The following VPS13B variants were observed in gnomAD, a reference collection of about 807,000 sequenced individuals.
VPS13B encodes the protein intermembrane lipid transfer protein VPS13B.
VPS13B carries 285 observed loss-of-function variants against 426.4 expected under a neutral mutation model. The observed-to-expected ratio is 0.67, with a 90% CI of 0.61 to 0.74. The LOEUF (loss-of-function observed/expected upper bound fraction) is 0.74, where lower values mean the gene tolerates loss of function less well. Among genes scored for constraint, VPS13B ranks in the 30% least tolerant of loss-of-function variants. The pLI is 0.00. For missense variants in VPS13B, 4,537 were observed against 4,782.6 expected (o/e 0.95, Z 1.51); for synonymous variants, 1,676 against 1,676.4 (o/e 1.00, Z 0.01).
chr8:99,300,662 A>G (rs565881663), intron 19 of VPS13B, among the ~76,000 whole-genome samples: 1 of 152,122 alleles, frequency 6.6e-6, no homozygotes, highest in Non-Finnish European at 1.5e-5. Flanking sequence ...ATCATCCTGC[A>G]TTCTCTTCCC....
intron 19 of VPS13B, among the ~76,000 whole-genome samples, chr8:99,361,207 A>G (rs1812538269): frequency 6.6e-6 from 1 of 152,224 alleles, no homozygotes; most frequent in Admixed American, 6.5e-5. Context: ...ATCTTATCAG[A>G]GTCTCATTGG....
rs587780497 is a variant in VPS13B at position 99,853,867 on chromosome 8, A to G, written c.10478A>G (p.Asp3493Gly). 1 of 1,614,268 alleles carries G rather than the reference A, an allele frequency of 6.2e-7. No homozygotes were observed. The highest frequency in any genetic ancestry group is 8.5e-7 in the Non-Finnish European group (1 of 1,180,054). The change falls in exon 56 of 62, where the codon GAT becomes GGT. Residue 3493 changes from aspartate (D) to glycine (G), a missense_variant. Coordinates refer to ENST00000357162, the MANE Select transcript of VPS13B (RefSeq NM_152564.5). ...TLNEGKSILC[D>G]INEFSFELKP... ...AATGAAGGCAAGAGCATCCTCTGTG[A>G]TATTAATGAGTTCAGCTTTGAATTA...
At chr8:99,844,554 G>A (rs1815880227) in intron 54 of VPS13B, among the ~76,000 whole-genome samples, 1 of 152,084 alleles carries the variant, frequency 6.6e-6, no homozygotes, top group African/African-American at 2.4e-5. Context: ...TTTTAGGAGA[G>A]ATGAGGTTTT....
chr8:99,391,331 G>C (rs1814433986), intron 20 of VPS13B, among the ~76,000 whole-genome samples: 1 of 150,738 alleles, frequency 6.6e-6, no homozygotes, highest in African/African-American at 2.4e-5. Flanking sequence ...GCATTGCTCT[G>C]TGTGTGCATG....
intron 17 of VPS13B, chr8:99,233,017 A>G: frequency 1.1e-6 from 1 of 884,794 alleles, no homozygotes; most frequent in Non-Finnish European, 1.9e-6. Context: ...GGCTCCATTC[A>G]TCTGTTGTTT....
rs1378782959 is a variant in VPS13B at position 99,093,701 on chromosome 8, A to AC, written c.292-2610dup. Reference sequence around the variant, plus strand: ...AATTTCATCCATGTCCCTACAAAGGACATGAACTCATCGTTTTTTATGGCT... The same window carrying AC: ...AATTTCATCCATGTCCCTACAAAGGACCATGAACTCATCGTTTTTTATGGCT... On this transcript the variant is annotated intron_variant, in intron 3 of 61. Transcript: ENST00000357162. Among the ~76,000 whole-genome samples the AC allele has an allele frequency of 6.6e-5, 10 of 152,252 alleles. No homozygotes were observed. The South Asian group carries it at 1.9e-3, about 28-fold the overall frequency.
At chr8:99,828,907 G>T (rs147337503) in intron 51 of VPS13B, among the ~76,000 whole-genome samples, 1 of 152,260 alleles carries the variant, frequency 6.6e-6, no homozygotes, top group East Asian at 1.9e-4. Flanking sequence ...TTTTCTTTGA[G>T]AATGTTGAAT....
At chr8:99,811,957 G>A (rs1314701721) in intron 44 of VPS13B, among the ~76,000 whole-genome samples, 2 of 152,054 alleles carry the variant, frequency 1.3e-5, no homozygotes, top group South Asian at 2.1e-4. Flanking sequence ...CACTAAGTTG[G>A]ACGGTTTTGT....
chr8:99,832,793 A>G lies in VPS13B; in HGVS notation c.9614+141A>G, dbSNP rs1373013089. The G allele has an allele frequency of 1.8e-5, 15 of 849,772 alleles. No homozygotes were observed. In the South Asian group the frequency reaches 2.2e-4, roughly 13 times the overall value. 52.6% of individuals were successfully genotyped at this position (849,772 alleles called of 1,614,324 possible). ...ATTTTTAATTACTTCTAGACATTGT[A>G]TACAGTGGGTCAAGTGTTATAATCA... On this transcript the variant is annotated intron_variant, in intron 52 of 61. Transcript: ENST00000357162.
intron 19 of VPS13B, among the ~76,000 whole-genome samples, chr8:99,335,885 A>G (rs1306152406): frequency 1.3e-5 from 2 of 152,224 alleles, no homozygotes; most frequent in African/African-American, 4.8e-5. Flanking sequence ...AAATGGAAGG[A>G]CATTCCATGC....
At chr8:99,792,146 A>G (rs1554958978) in intron 43 of VPS13B, among the ~76,000 whole-genome samples, 1 of 152,188 alleles carries the variant, frequency 6.6e-6, no homozygotes, top group Non-Finnish European at 1.5e-5. Flanking sequence ...TTGAGTCTAA[A>G]CAAGTTAGTT....
In VPS13B at chr8:99,830,782, G is replaced by A. The variant is rs189602982; in HGVS notation, c.9331-1587G>A. The stretch of plus-strand genomic sequence containing the variant: ...GTGGGTTGCAAAGACCCTGGGAAAA[G>A]CGTAGTATCTGGGCTAGATAGCACC... On this transcript the variant is annotated intron_variant, in intron 51 of 61. Transcript: ENST00000357162. Among the ~76,000 whole-genome samples the A allele has an allele frequency of 2.4e-3, 369 of 152,288 alleles. 4 individuals are homozygous for A. The highest frequency in any genetic ancestry group is 8.5e-3 in the African/African-American group (354 of 41,560).
intron 39 of VPS13B, among the ~76,000 whole-genome samples, chr8:99,723,907 G>A (rs1003382844): frequency 2.6e-5 from 4 of 152,100 alleles, no homozygotes. Context: ...GAGAAGGAGC[G>A]CACTCAGAAT....
At chr8:99,133,543 T>G (rs1420935738) in intron 8 of VPS13B, among the ~76,000 whole-genome samples, 2 of 152,236 alleles carry the variant, frequency 1.3e-5, no homozygotes, top group African/African-American at 2.4e-5. Flanking sequence ...TTGGCCTGTC[T>G]TGGCTTTTAC....
At chr8:99,270,089 C>G (rs957627527) in intron 17 of VPS13B, among the ~76,000 whole-genome samples, 2 of 129,312 alleles carry the variant, frequency 1.5e-5, no homozygotes, top group African/African-American at 2.8e-5. Flanking sequence ...TTGTAGTTGT[C>G]TAAATCAAAG....
intron 58 of VPS13B, among the ~76,000 whole-genome samples, chr8:99,866,646 G>C (rs1817115117): frequency 6.6e-6 from 1 of 152,266 alleles, no homozygotes; most frequent in South Asian, 2.1e-4. Context: ...GCATGTGCTG[G>C]AGCAGGTGGC....
intron 39 of VPS13B, among the ~76,000 whole-genome samples, chr8:99,759,564 C>A (rs1389697592): frequency 6.6e-6 from 1 of 152,194 alleles, no homozygotes; most frequent in Non-Finnish European, 1.5e-5. Flanking sequence ...TGTATCAGCA[C>A]AGTTAACTCC....
At chr8:99,167,207 CCTGAAGAGTTTTT>C (rs1250289337) in intron 15 of VPS13B, among the ~76,000 whole-genome samples, 1 of 151,958 alleles carries the variant, frequency 6.6e-6, no homozygotes. Context: ...ATTCTTTTCC[CCTGAAGAGTTTTT>C]CTTCACAAGG....
At chr8:99,354,767 G>A (rs1278718137) in intron 19 of VPS13B, among the ~76,000 whole-genome samples, 1 of 151,988 alleles carries the variant, frequency 6.6e-6, no homozygotes, top group Non-Finnish European at 1.5e-5. Flanking sequence ...GTATTGCCTA[G>A]GCTGGTCTTG....
Sources: allele counts gnomAD v4.1 joint callset (sites outside exome capture counted in the v4.1 genomes callset), GRCh38; gene constraint gnomAD v4.1.1; transcripts MANE v1.5; gene names NCBI Gene and HGNC (gene_info 2026-07-23, HGNC 2026-07-21).